Variants in DELE1 observed in about 807,000 individuals in gnomAD.
DELE1 encodes DAP3 binding cell death enhancer 1, also known as death ligand signal enhancer.
DELE1 carries 54 observed loss-of-function variants against 59.3 expected under a neutral mutation model. That is an observed-to-expected ratio of 0.91 (90% CI 0.73 to 1.14). The LOEUF is 1.14. Among genes scored for constraint, DELE1 ranks in the 50% most tolerant of loss-of-function variants. The probability of loss-of-function intolerance (pLI) is 0.00; values close to 1 mark genes in which losing one functional copy is unlikely to be tolerated. For synonymous variants in DELE1, 264 were observed against 259.1 expected, an observed-to-expected ratio of 1.02 and a Z score of -0.18; for missense variants, 636 against 643.9, an observed-to-expected ratio of 0.99 and a Z score of 0.13.
rs1233462661 is a variant in DELE1, at chr5:141,929,745, G to A, written c.571+5G>A. 6.2e-7 allele frequency: 1 copy of A among 1,613,958 alleles called. No homozygotes were observed. On this transcript the variant is annotated splice_donor_5th_base_variant and intron_variant, in intron 5 of 11. Coordinates refer to ENST00000432126, the MANE Select transcript of DELE1 (RefSeq NM_014773.5). ...CTCAGGACCCCTCTGAGGAAGGTAT[G>A]TCCCTGCCTCATGGAATCAGCAGAA...
At chr5:141,934,769 G>GC in intron 10 of DELE1, 183 bp downstream of exon 10, 1 of 614,244 alleles carries the variant, frequency 1.6e-6, no homozygotes, top group Non-Finnish European at 2.9e-6. Context: ...GTACGCCAGA[G>GC]CTGGCTTGCA....
intron 3 of DELE1, among the ~76,000 whole-genome samples, chr5:141,926,690 T>G (rs1257993665): frequency 6.6e-6 from 1 of 152,270 alleles, no homozygotes; most frequent in East Asian, 1.9e-4. Flanking sequence ...GAGCTGAGCC[T>G]GGGATGTCTC....
Position 141,938,767 on chromosome 5 carries a change from T to A in DELE1, c.*8T>A. The A allele has an allele frequency of 6.2e-7, 1 of 1,606,112 alleles. No individual in the cohort carries two copies. The highest frequency in any genetic ancestry group is 8.5e-7 in the Non-Finnish European group (1 of 1,175,370). On this transcript the variant is annotated 3_prime_UTR_variant, in exon 12 of 12. Transcript: ENST00000432126. ...AGACTAGGTTTTGGCTAAGGTGAGA[T>A]AAAACATAGTCCCTGGTGCCTCTTA...
At chr5:141,926,987 A>G (rs1561508837) in intron 3 of DELE1, among the ~76,000 whole-genome samples, 1 of 152,002 alleles carries the variant, frequency 6.6e-6, no homozygotes, top group African/African-American at 2.4e-5. Context: ...CCCACACGTC[A>G]CCCCCACAGA....
Position 141,941,747 on chromosome 5 carries a change from C to T in DELE1, c.*2988C>T. On this transcript the variant is annotated 3_prime_UTR_variant, in exon 12 of 12. Transcript: ENST00000432126. ...GATGGGAACAAGGCTATTTGGTTTA[C>T]TATATCATTAGTGCTAATATAGTGT... is the stretch of plus-strand genomic sequence containing the variant. 5.1e-6 allele frequency: 5 copies of T among 985,300 alleles called. No individual in the cohort carries two copies. Among genetic ancestry groups the T allele is most frequent in the Non-Finnish European group, 6.0e-6 (5 of 829,902 alleles). The allele number at this position is 985,300 out of a possible 1,614,324, so 61.0% of individuals were successfully genotyped here.
Position 141,923,925 on chromosome 5 carries a change from G to A in DELE1, c.-17G>A. 8.1e-6 allele frequency: 13 copies of A among 1,603,180 alleles called. No individual in the cohort carries two copies. The highest frequency in any genetic ancestry group is 1.1e-5 in the Non-Finnish European group (13 of 1,175,250). On this transcript the variant is annotated 5_prime_UTR_variant, in exon 1 of 12. The change creates a new upstream start codon in the 5' untranslated region. Coordinates refer to ENST00000432126, the MANE Select transcript of DELE1 (RefSeq NM_014773.5). The stretch of plus-strand genomic sequence containing the variant: ...TCGCGCTTTCGGCTGCGAGCTCTCT[G>A]TGGTGCTGGCAGCGACATGTGGCGC...
chr5:141,935,313 T>C (rs1335304202), intron 10 of DELE1, among the ~76,000 whole-genome samples: 3 of 152,208 alleles, frequency 2.0e-5, no homozygotes, highest in African/African-American at 7.2e-5. Flanking sequence ...AATACTGAGT[T>C]AAACAGTTAA....
rs1261686540 is a variant in DELE1, at chr5:141,940,453, C to T, written c.*1694C>T. ...GAGCCCACCGCCCACCCCCCACAAT[C>T]CCATGACTGAGTGGAGACCAACCAG... On this transcript the variant is annotated 3_prime_UTR_variant, in exon 12 of 12. Coordinates refer to ENST00000432126, the MANE Select transcript of DELE1 (RefSeq NM_014773.5). 2.0e-6 allele frequency: 2 copies of T among 985,310 alleles called. No individual in the cohort carries two copies. The highest frequency in any genetic ancestry group is 2.4e-6 in the Non-Finnish European group (2 of 829,868). 61.0% of individuals were successfully genotyped at this position (985,310 alleles called of 1,614,324 possible). A position where few individuals can be genotyped will look rare whatever the true frequency, so the allele number is the denominator to read the frequency against.
In DELE1 at chr5:141,940,892, T is replaced by G. The variant is rs908292292; in HGVS notation, c.*2133T>G. ...ACAAACAAAAAAAGGTTTCTGTGGT[T>G]AAATAAGTTTGGGAAATGCTGCACC... On this transcript the variant is annotated 3_prime_UTR_variant, in exon 12 of 12. Transcript: ENST00000432126. 1.3e-5 allele frequency: 13 copies of G among 984,740 alleles called. No homozygotes were observed. Among genetic ancestry groups the G allele is most frequent in the African/African-American group, 1.7e-5 (1 of 57,232 alleles). 61.0% of individuals were successfully genotyped at this position (984,740 alleles called of 1,614,324 possible). A position where few individuals can be genotyped will look rare whatever the true frequency, so the allele number is the denominator to read the frequency against.
At chr5:141,930,652 A>G (rs914617330) in intron 7 of DELE1, among the ~76,000 whole-genome samples, 1 of 152,238 alleles carries the variant, frequency 6.6e-6, no homozygotes, top group Non-Finnish European at 1.5e-5. Context: ...GTTACTGTGT[A>G]TGAAGGAAAA....
chr5:141,930,098 G>A (rs1395134635), intron 6 of DELE1, 24 bp downstream of exon 6: 1 of 1,612,076 alleles, frequency 6.2e-7, no homozygotes, highest in Admixed American at 1.7e-5. Context: ...TTGGCCACCT[G>A]GATCCCCATA....
At chr5:141,933,582 G>A in intron 8 of DELE1, 181 bp downstream of exon 8, 1 of 369,284 alleles carries the variant, frequency 2.7e-6, no homozygotes, top group Non-Finnish European at 4.7e-6. Context: ...TCAAAATTCA[G>A]GGAGGGCAGG....
intron 3 of DELE1, among the ~76,000 whole-genome samples, chr5:141,926,319 T>A (rs1370839384): frequency 6.6e-6 from 1 of 152,130 alleles, no homozygotes; most frequent in Non-Finnish European, 1.5e-5. Flanking sequence ...ATGCGTAGGG[T>A]CTCATACCTG....
At chr5:141,933,527 G>A (rs966176970) in intron 8 of DELE1, 126 bp downstream of exon 8, 53 of 646,616 alleles carry the variant, frequency 8.2e-5, no homozygotes, top group Middle Eastern at 5.2e-4. Flanking sequence ...GCCCAGCTGC[G>A]AAGGAAAAAT....
In DELE1 at chr5:141,936,938, C is replaced by T. The variant is rs10476831; in HGVS notation, c.1150-260C>T. On this transcript the variant is annotated intron_variant, in intron 10 of 11. Transcript: ENST00000432126. ...CTTCGTTGTGCATGCTTTCAGCCAGCCTATGCAAGAGAAGCCTCCACACTG... is the reference window on the plus strand; with the variant it reads ...CTTCGTTGTGCATGCTTTCAGCCAGTCTATGCAAGAGAAGCCTCCACACTG... The T allele has an allele frequency of 8.4e-5, 106 of 1,259,304 alleles. No homozygotes were observed. In the African/African-American group the frequency reaches 1.5e-3, roughly 18 times the overall value. 78.0% of individuals were successfully genotyped at this position (1,259,304 alleles called of 1,614,324 possible).
rs1007208003 is a variant in DELE1, at chr5:141,941,190, G to A, written c.*2431G>A. 5 of 985,288 alleles carry A rather than the reference G, an allele frequency of 5.1e-6. No individual in the cohort carries two copies. The African/African-American group carries it at 7.0e-5, about 14-fold the overall frequency. 61.0% of individuals were successfully genotyped at this position (985,288 alleles called of 1,614,324 possible). On this transcript the variant is annotated 3_prime_UTR_variant, in exon 12 of 12. Coordinates refer to ENST00000432126, the MANE Select transcript of DELE1 (RefSeq NM_014773.5). Reference sequence around the variant, plus strand: ...CTTCCTTCTAGCCATAGCTGGGGCCGAGGGCTGGTTCACAGTCTGGCCACT... The same window carrying A: ...CTTCCTTCTAGCCATAGCTGGGGCCAAGGGCTGGTTCACAGTCTGGCCACT...
At chr5:141,926,108 G>A (rs1751397449) in intron 3 of DELE1, among the ~76,000 whole-genome samples, 2 of 152,070 alleles carry the variant, frequency 1.3e-5, no homozygotes, top group Admixed American at 6.6e-5. Flanking sequence ...TCGAACTCCT[G>A]ATCTCGTGAC....
rs546771904 is a variant in DELE1, at chr5:141,924,691, G to T, written c.142G>T (p.Asp48Tyr). Residue 48 changes from aspartate (D) to tyrosine (Y), a missense_variant, in exon 2 of 12, where the codon GAC (aspartate) becomes TAC (tyrosine). Physicochemically the swap from Asp to Tyr is radical, Grantham distance 160. Transcript: ENST00000432126. ...STLLVPVPNL[D>Y]RSGPHGPGTS... ...TTTGCTGGTTCCTGTGCCTAACCTC[G>T]ACAGGTAAGATACTGCCATTTTACC... 1.9e-6 allele frequency: 3 copies of T among 1,595,634 alleles called. No individual in the cohort carries two copies. Among genetic ancestry groups the T allele is most frequent in the Non-Finnish European group, 2.6e-6 (3 of 1,163,312 alleles).
chr5:141,928,280 T>C lies in DELE1; in HGVS notation c.394T>C (p.Leu132=), dbSNP rs772953180. 6.2e-7 allele frequency: 1 copy of C among 1,614,124 alleles called. No individual in the cohort carries two copies. Among genetic ancestry groups the C allele is most frequent in the Non-Finnish European group, 8.5e-7 (1 of 1,179,984 alleles). Residue 132 remains leucine, a synonymous_variant, in exon 4 of 12, where the codon TTG becomes CTG. Transcript: ENST00000432126. ...SPLDRFFSSP[L]WHPCSSLRQH... ...CCTGGACCGTTTCTTCTCATCTCCC[T>C]TGTGGCACCCATGCTCCTGTGAGTT...
Sources: allele counts gnomAD v4.1 joint callset (sites outside exome capture counted in the v4.1 genomes callset), GRCh38; gene constraint gnomAD v4.1.1; transcripts MANE v1.5; gene names NCBI Gene and HGNC (gene_info 2026-07-23, HGNC 2026-07-21).